KMT2C: variants seen among roughly 807,000 people sequenced by gnomAD.
KMT2C encodes the protein lysine methyltransferase 2C, also known as histone-lysine N-methyltransferase 2C.
In KMT2C, 88 loss-of-function variants were observed where a neutral mutation model predicts 507.9. The ratio of observed to expected loss-of-function variants is 0.17; its 90% CI spans 0.15 to 0.21. The LOEUF is 0.21. Among genes scored for constraint, KMT2C ranks in the 10% least tolerant of loss-of-function variants. KMT2C has a pLI of 1.00. For missense variants in KMT2C, 4,954 were observed against 5,957.8 expected (o/e 0.83, Z 5.55); for synonymous variants, 2,049 against 2,080.8 (o/e 0.98, Z 0.42).
In KMT2C at chr7:152,193,727, G is replaced by C. The variant is rs147915084; in HGVS notation, c.4660+282C>G. Among the ~76,000 whole-genome samples, 7 of 152,264 alleles carry C rather than the reference G, an allele frequency of 4.6e-5. No individual in the cohort carries two copies. The East Asian group carries it at 1.4e-3, about 29-fold the overall frequency. ...CAAGTGCCTATGTGGCAAATGACTA[G>C]AGTGGAGTGAGCTGGGAATGGGACT... On this transcript the variant is annotated intron_variant, in intron 31 of 58. Coordinates refer to ENST00000262189, the MANE Select transcript of KMT2C (RefSeq NM_170606.3).
intron 1 of KMT2C, among the ~76,000 whole-genome samples, chr7:152,384,055 TGC>T (rs60567304): frequency 0.036 from 5,483 of 151,646 alleles, 351 homozygotes; most frequent in African/African-American, 0.13. Flanking sequence ...TGTGTGTGTG[TGC>T]GTGTGTGTAG....
chr7:152,207,265 T>G (rs556160317), intron 24 of KMT2C, 35 bp downstream of exon 24: 1 of 1,384,444 alleles, frequency 7.2e-7, no homozygotes, highest in East Asian at 2.3e-5. Flanking sequence ...AACCAAGTGT[T>G]GATGATATTG....
In KMT2C at chr7:152,162,159, C is replaced by T. The variant is rs779626062; in HGVS notation, c.11418G>A (p.Lys3806=). ...GSICSEDDCT[K]DNKLVEKQNP... The stretch of plus-strand genomic sequence containing the variant: ...TCTGCTTCTCAACTAGTTTATTATC[C>T]TTTGTACAGTCATCTTCTGAACAAA... Residue 3806 remains lysine (K), a synonymous_variant, in exon 43 of 59, where the codon AAG becomes AAA. Coordinates refer to ENST00000262189, the MANE Select transcript of KMT2C (RefSeq NM_170606.3). 1.2e-5 allele frequency: 20 copies of T among 1,602,598 alleles called. No individual in the cohort carries two copies. In the South Asian group the frequency reaches 2.1e-4, roughly 17 times the overall value.
chr7:152,331,642 ATTTTTTTTT>A (rs34778581), intron 2 of KMT2C, among the ~76,000 whole-genome samples: 2 of 99,324 alleles, frequency 2.0e-5, no homozygotes, highest in East Asian at 2.5e-4. Flanking sequence ...CAACAAAAAG[ATTTTTTTTT>A]TTTTTTTTTT....
intron 2 of KMT2C, among the ~76,000 whole-genome samples, chr7:152,344,758 C>A (rs1036337339): frequency 6.6e-6 from 1 of 151,982 alleles, no homozygotes; most frequent in Admixed American, 6.6e-5. Flanking sequence ...GAGGCCGAGG[C>A]GGGCAGATCA....
intron 25 of KMT2C, among the ~76,000 whole-genome samples, chr7:152,204,591 C>CGATAGATAGA (rs2094241876): frequency 1.4e-5 from 2 of 143,380 alleles, no homozygotes; most frequent in African/African-American, 5.3e-5. Flanking sequence ...AGTGAGACCC[C>CGATAGATAGA]TAGATAGATA....
At chr7:152,412,114 C>T (rs1300523209) in intron 1 of KMT2C, among the ~76,000 whole-genome samples, 1 of 152,210 alleles carries the variant, frequency 6.6e-6, no homozygotes, top group Non-Finnish European at 1.5e-5. Flanking sequence ...GAAGATGTTG[C>T]AACCTGGCCA....
At chr7:152,193,285 C>T (rs556227932) in intron 31 of KMT2C, among the ~76,000 whole-genome samples, 2 of 152,292 alleles carry the variant, frequency 1.3e-5, no homozygotes, top group African/African-American at 2.4e-5. Flanking sequence ...TCTACTCATA[C>T]AGACCTTAAT....
intron 1 of KMT2C, among the ~76,000 whole-genome samples, chr7:152,393,950 A>C (rs2116567848): frequency 6.6e-6 from 1 of 151,858 alleles, no homozygotes; most frequent in South Asian, 2.1e-4. Context: ...AAAGGTTTTT[A>C]ATTCCAAATA....
At chr7:152,165,078 G>A (rs1489296585) in intron 42 of KMT2C, among the ~76,000 whole-genome samples, 2 of 152,168 alleles carry the variant, frequency 1.3e-5, no homozygotes, top group African/African-American at 2.4e-5. Flanking sequence ...CAACAGTTGT[G>A]TAACTCCTAT....
chr7:152,377,835 A>G (rs543240672), intron 1 of KMT2C, among the ~76,000 whole-genome samples: 1 of 152,346 alleles, frequency 6.6e-6, no homozygotes, highest in East Asian at 1.9e-4. Flanking sequence ...CATTAAGAAC[A>G]TTCATAATTC....
chr7:152,425,166 A>C (rs2097804116), intron 1 of KMT2C, among the ~76,000 whole-genome samples: 1 of 152,182 alleles, frequency 6.6e-6, no homozygotes, highest in Admixed American at 6.5e-5. Flanking sequence ...AGTATTCCAT[A>C]ATCTCTCTGG....
chr7:152,327,937 A>G (rs1273230797), intron 3 of KMT2C, among the ~76,000 whole-genome samples: 10 of 149,842 alleles, frequency 6.7e-5, no homozygotes, highest in Non-Finnish European at 1.2e-4. Context: ...CAGCCTGGGC[A>G]ACAGAGCGAG....
At chr7:152,157,535 A>G (rs112446214) in intron 44 of KMT2C, among the ~76,000 whole-genome samples, 27 of 152,360 alleles carry the variant, frequency 1.8e-4, no homozygotes, top group African/African-American at 5.8e-4. Flanking sequence ...ATGGAAGTAC[A>G]TAATAGATAT....
chr7:152,225,656 T>C (rs1381838592), intron 18 of KMT2C, among the ~76,000 whole-genome samples: 2 of 152,068 alleles, frequency 1.3e-5, no homozygotes, highest in Non-Finnish European at 2.9e-5. Context: ...AGACTTGGGA[T>C]CTATAAATCA....
chr7:152,181,256 G>A lies in KMT2C; in HGVS notation c.6604C>T (p.Pro2202Ser), dbSNP rs760297553. The change falls in exon 36 of 59, where the codon CCA becomes TCA. Residue 2202 changes from proline (P) to serine (S), a missense_variant. Coordinates refer to ENST00000262189, the MANE Select transcript of KMT2C (RefSeq NM_170606.3). ...GGTGTTCCAGGAGGATGAGCATATG[G>A]ATCAGAATGCCTCTGATTTGTTACA... Reference protein sequence around the residue: ...TPVTNQRHSDPYAHPPGTPRP... With the variant: ...TPVTNQRHSDSYAHPPGTPRP... 6.2e-7 allele frequency: 1 copy of A among 1,614,034 alleles called. No homozygotes were observed. Among genetic ancestry groups the A allele is most frequent in the Admixed American group, 1.7e-5 (1 of 60,012 alleles).
At chr7:152,418,165 C>G (rs2097757490) in intron 1 of KMT2C, among the ~76,000 whole-genome samples, 1 of 151,774 alleles carries the variant, frequency 6.6e-6, no homozygotes, top group African/African-American at 2.4e-5. Flanking sequence ...GTGTCAAACT[C>G]CTGACCTCAG....
At chr7:152,374,495 A>C (rs2097313935) in intron 1 of KMT2C, among the ~76,000 whole-genome samples, 1 of 152,234 alleles carries the variant, frequency 6.6e-6, no homozygotes, top group Non-Finnish European at 1.5e-5. Flanking sequence ...AAACAATTTT[A>C]GAAATGGAAA....
intron 14 of KMT2C, among the ~76,000 whole-genome samples, chr7:152,244,627 T>C (rs1368207879): frequency 6.6e-6 from 1 of 152,240 alleles, no homozygotes; most frequent in Non-Finnish European, 1.5e-5. Flanking sequence ...ATTAGGACAA[T>C]TTGTATGAAA....
Sources: allele counts gnomAD v4.1 joint callset (sites outside exome capture counted in the v4.1 genomes callset), GRCh38; gene constraint gnomAD v4.1.1; transcripts MANE v1.5; gene names NCBI Gene and HGNC (gene_info 2026-07-23, HGNC 2026-07-21).